The following PZP variants were observed in gnomAD, a reference collection of about 807,000 sequenced individuals.
The protein encoded by PZP is pregnancy zone protein.
PZP carries 150 observed loss-of-function variants against 179.8 expected under a neutral mutation model. The ratio of observed to expected loss-of-function variants is 0.83; its 90% CI spans 0.73 to 0.96. The LOEUF (loss-of-function observed/expected upper bound fraction) is 0.96, where lower values mean the gene tolerates loss of function less well. Ranked by LOEUF, PZP falls within the 40% of genes least tolerant of loss-of-function variation. The pLI is 0.00. For missense variants in PZP, 1,689 were observed against 1,764.0 expected (o/e 0.96, Z 0.76); for synonymous variants, 624 against 652.3 (o/e 0.96, Z 0.66).
intron 10 of PZP, among the ~76,000 whole-genome samples, chr12:9,194,495 C>A (rs1041577007): frequency 1.5e-5 from 2 of 137,568 alleles, no homozygotes; most frequent in Non-Finnish European, 1.5e-5. Flanking sequence ...GACGGAGTCT[C>A]GCTCTGTCGC....
downstream of PZP, among the ~76,000 whole-genome samples, chr12:9,145,244 CTG>C (rs1230483602): frequency 5.9e-5 from 9 of 152,140 alleles, no homozygotes; most frequent in African/African-American, 2.2e-4. Context: ...ATTATTTTGT[CTG>C]TCTTTTCCTC....
chr12:9,177,104 C>G (rs770002885), intron 15 of PZP, among the ~76,000 whole-genome samples: 1 of 152,148 alleles, frequency 6.6e-6, no homozygotes, highest in Non-Finnish European at 1.5e-5. Context: ...TATTCATGCC[C>G]GAACATTGTT....
At chr12:9,149,125 T>A (rs1292674639) in intron 35 of PZP, 131 bp from the exon 36 acceptor site, 5 of 779,364 alleles carry the variant, frequency 6.4e-6, no homozygotes, top group Non-Finnish European at 1.1e-5. Flanking sequence ...TTATTTTAGG[T>A]TTATATGCCA....
intron 15 of PZP, among the ~76,000 whole-genome samples, chr12:9,172,017 A>G (rs75666805): frequency 0.039 from 5,884 of 152,244 alleles, 395 homozygotes; most frequent in African/African-American, 0.13. Context: ...CCACAAGAAC[A>G]TCAACCCAAA....
intron 15 of PZP, among the ~76,000 whole-genome samples, chr12:9,180,519 C>T (rs1397678235): frequency 6.6e-5 from 10 of 150,440 alleles, no homozygotes; most frequent in African/African-American, 1.7e-4. Flanking sequence ...ATCTGATCTT[C>T]GACAAACCTG....
At chr12:9,163,224 G>T (rs964555777) in intron 21 of PZP, among the ~76,000 whole-genome samples, 1 of 151,060 alleles carries the variant, frequency 6.6e-6, no homozygotes, top group African/African-American at 2.4e-5. Context: ...AGGCCGAGAA[G>T]GGAGGATCAC....
chr12:9,147,104 T>G (rs930607759), downstream of PZP, among the ~76,000 whole-genome samples: 2 of 152,158 alleles, frequency 1.3e-5, no homozygotes, highest in African/African-American at 4.8e-5. Context: ...TGTTTGGGTA[T>G]CTACAGAAAA....
In PZP at chr12:9,153,686, A is replaced by C. The variant is rs776335610; in HGVS notation, c.3775-343T>G. Among the ~76,000 whole-genome samples, 3 of 152,348 alleles carry C rather than the reference A, an allele frequency of 2.0e-5. No homozygotes were observed. In the South Asian group the frequency reaches 6.2e-4, roughly 32 times the overall value. On this transcript the variant is annotated intron_variant, in intron 29 of 35. Transcript: ENST00000261336. The stretch of plus-strand genomic sequence containing the variant: ...AGATGATTGACCAGTTAGATGGAAG[A>C]GTGATAAAAATTTACTGTACATGAA...
Position 9,166,098 on chromosome 12 carries a change from G to T in PZP, c.2212C>A (p.Arg738=), listed in dbSNP as rs150067154. 4 of 1,612,390 alleles carry T rather than the reference G, an allele frequency of 2.5e-6. No individual in the cohort carries two copies. Among genetic ancestry groups the T allele is most frequent in the Non-Finnish European group, 2.5e-6 (3 of 1,179,724 alleles). ...ATCCAAGTCTCAGGAAAATAGCTTC[G>T]CACCGTTTCAGGGACTGGCCCTGAA... ...QSSGPVPETV[R]SYFPETWIWE... Residue 738 remains arginine, a synonymous_variant, in exon 18 of 36, where the codon CGA becomes AGA. Coordinates refer to ENST00000261336, the MANE Select transcript of PZP (RefSeq NM_002864.3).
chr12:9,147,614 G>A (rs1940076938), downstream of PZP, among the ~76,000 whole-genome samples: 1 of 152,060 alleles, frequency 6.6e-6, no homozygotes, highest in Admixed American at 6.6e-5. Flanking sequence ...GTTCATGTGT[G>A]GGACAGGGGG....
chr12:9,169,873 A>C (rs1016229586), intron 15 of PZP: 23 of 249,586 alleles, frequency 9.2e-5, no homozygotes, highest in Non-Finnish European at 1.7e-4. Context: ...AAATAGACCA[A>C]ATATAGAAAG....
In PZP at chr12:9,185,624, C is replaced by T. The variant is rs1943049075; in HGVS notation, c.1547-3507G>A. ...TCACAAGAAAGTCATCCCTAAGACA[C>T]ACAATCATCAGATTCACCAAGGTTG... On this transcript the variant is annotated intron_variant, in intron 13 of 35. Coordinates refer to ENST00000261336, the MANE Select transcript of PZP (RefSeq NM_002864.3). Among the ~76,000 whole-genome samples, 5 of 150,798 alleles carry T rather than the reference C, an allele frequency of 3.3e-5. No homozygotes were observed. In the South Asian group the frequency reaches 1.1e-3, roughly 32 times the overall value.
intron 14 of PZP, 68 bp from the exon 15 acceptor site, chr12:9,181,200 T>G: frequency 6.3e-7 from 1 of 1,596,162 alleles, no homozygotes. Context: ...TCACCTGCAT[T>G]TCCTAAGCCA....
chr12:9,208,215 G>T, intron 1 of PZP, 44 bp downstream of exon 1: 2 of 1,488,694 alleles, frequency 1.3e-6, no homozygotes, highest in South Asian at 1.1e-5. Flanking sequence ...ACAAGGGAGA[G>T]ACTGAAACGC....
At chr12:9,180,867 T>C in intron 15 of PZP, 116 bp downstream of exon 15, 2 of 1,154,006 alleles carry the variant, frequency 1.7e-6, no homozygotes. Context: ...ACAGGCAACC[T>C]ACAAAATGGG....
In PZP at chr12:9,153,154, C is replaced by T. The variant is rs1330926611; in HGVS notation, c.3964G>A (p.Val1322Ile). 6.2e-7 allele frequency: 1 copy of T among 1,614,066 alleles called. No homozygotes were observed. The highest frequency in any genetic ancestry group is 8.5e-7 in the Non-Finnish European group (1 of 1,180,006). The stretch of plus-strand genomic sequence containing the variant: ...AGATACACACATCTTTCCCCAGTTA[C>T]TGTTATGACATATTCTCCAGGGAGC... ...PELPGEYVIT[V>I]TGERCVYLQT... The change falls in exon 30 of 36, where the codon GTA (valine) becomes ATA (isoleucine). Residue 1322 changes from valine (V) to isoleucine (I), a missense_variant. By Grantham distance (29) the Val-to-Ile change is conservative. Transcript: ENST00000261336.
At chr12:9,196,910 T>A in intron 8 of PZP, 102 bp downstream of exon 8, 1 of 962,096 alleles carries the variant, frequency 1.0e-6, no homozygotes. Flanking sequence ...GTGGGGGATA[T>A]TTTGCGACAA....
intron 9 of PZP, 46 bp from the exon 10 acceptor site, chr12:9,196,485 T>C: frequency 1.3e-6 from 2 of 1,574,404 alleles, no homozygotes; most frequent in Non-Finnish European, 1.7e-6. Flanking sequence ...ACTTTAGTCA[T>C]AAAATTTCTT....
intron 15 of PZP, among the ~76,000 whole-genome samples, chr12:9,171,201 C>T (rs2114848): frequency 0.59 from 90,259 of 151,946 alleles, 27,744 homozygotes; most frequent in East Asian, 0.83. Flanking sequence ...CTTCCACGTA[C>T]GGGAGAAACC....
Sources: gnomAD v4.1 joint callset for allele counts (sites outside exome capture counted in the v4.1 genomes callset) on GRCh38, gnomAD v4.1.1 for gene constraint, MANE v1.5 for transcripts, NCBI Gene and HGNC (gene_info 2026-07-23, HGNC 2026-07-21) for gene names.